SETD3: variants seen among roughly 807,000 people sequenced by gnomAD.
SETD3 encodes the protein SET domain containing 3, actin N3(tau)-histidine methyltransferase.
Under a neutral mutation model 63.0 loss-of-function variants are expected in SETD3, and 19 were observed. The observed-to-expected ratio is 0.30, with a 90% CI of 0.21 to 0.44. The LOEUF (loss-of-function observed/expected upper bound fraction) is 0.44. Among genes scored for constraint, SETD3 ranks in the 20% least tolerant of loss-of-function variants. The pLI, the probability that SETD3 is intolerant of heterozygous loss-of-function variation, is 1.00. For missense variants in SETD3, 587 were observed against 728.5 expected (o/e 0.81, Z 2.24); for synonymous variants, 286 against 264.1 (o/e 1.08, Z -0.80).
intron 11 of SETD3, among the ~76,000 whole-genome samples, chr14:99,401,116 G>A (rs1891365847): frequency 6.7e-6 from 1 of 149,622 alleles, no homozygotes; most frequent in South Asian, 2.1e-4. Flanking sequence ...TCCAGCCTGG[G>A]CAACCAAGTG....
In SETD3 at chr14:99,463,577, T is replaced by C. The variant is rs755290874; in HGVS notation, c.105A>G (p.Lys35=). ...ILNLTSELLQ[K]CSSPAPGPGK... ...CTGGGCCAGGCGCCGGACTGCTGCATTCTGTAACATAAGAGGCATGGTACT... is the reference window on the plus strand; with the variant it reads ...CTGGGCCAGGCGCCGGACTGCTGCACTCTGTAACATAAGAGGCATGGTACT... Residue 35 remains lysine, a splice_region_variant and synonymous_variant, in exon 3 of 13, where the codon AAA becomes AAG. Transcript: ENST00000331768. 19 of 1,612,778 alleles carry C rather than the reference T, an allele frequency of 1.2e-5. No homozygotes were observed. The highest frequency in any genetic ancestry group is 1.3e-5 in the African/African-American group (1 of 75,014).
intron 1 of SETD3, among the ~76,000 whole-genome samples, chr14:99,468,539 T>A (rs1895522681): frequency 6.6e-6 from 1 of 152,176 alleles, no homozygotes; most frequent in Non-Finnish European, 1.5e-5. Flanking sequence ...TCAGTCACCC[T>A]GGAATAAAAG....
chr14:99,403,466 C>CTCTCTG (rs1891505986), intron 11 of SETD3, among the ~76,000 whole-genome samples: 1 of 138,564 alleles, frequency 7.2e-6, no homozygotes, highest in Non-Finnish European at 1.5e-5. Context: ...CTCTCTCTCT[C>CTCTCTG]TCTCTCTCTC....
intron 12 of SETD3, 26 bp from the exon 13 acceptor site, chr14:99,399,151 A>C (rs780605376): frequency 1.2e-5 from 20 of 1,602,890 alleles, no homozygotes; most frequent in East Asian, 4.5e-5. Context: ...AAAATTAATT[A>C]CAAGAAGTCT....
At chr14:99,408,467 G>A (rs1891802259) in intron 8 of SETD3, among the ~76,000 whole-genome samples, 1 of 152,108 alleles carries the variant, frequency 6.6e-6, no homozygotes, top group Non-Finnish European at 1.5e-5. Context: ...ACTCCCAGGA[G>A]GGAGTCCAGG....
At chr14:99,474,990 T>A (rs1895898420) in intron 1 of SETD3, among the ~76,000 whole-genome samples, 1 of 152,176 alleles carries the variant, frequency 6.6e-6, no homozygotes, top group African/African-American at 2.4e-5. Flanking sequence ...TTGAATGAAG[T>A]TGCAAATAAA....
Position 99,400,142 on chromosome 14 carries a change from T to C in SETD3, c.1295A>G (p.Asp432Gly), listed in dbSNP as rs1239607385. 2.5e-6 allele frequency: 4 copies of C among 1,613,978 alleles called. No homozygotes were observed. Among genetic ancestry groups the C allele is most frequent in the Non-Finnish European group, 3.4e-6 (4 of 1,179,996 alleles). The change falls in exon 12 of 13, where the codon GAT becomes GGT. Residue 432 changes from aspartate to glycine, a missense_variant. Coordinates refer to ENST00000331768, the MANE Select transcript of SETD3 (RefSeq NM_032233.3). ...NEVKLWTFLE[D>G]RASLLLKTYK... ...TGTTTTTAAAAGAAGTGAGGCTCTA[T>C]CTTCAAGAAATGTCCAAAGTTTGAC...
chr14:99,436,886 G>A (rs1486926627), intron 6 of SETD3, among the ~76,000 whole-genome samples: 2 of 152,150 alleles, frequency 1.3e-5, no homozygotes, highest in African/African-American at 4.8e-5. Flanking sequence ...TCCCTCCACT[G>A]CTTAAAACAT....
intron 6 of SETD3, among the ~76,000 whole-genome samples, chr14:99,442,702 C>T (rs961909250): frequency 1.3e-5 from 2 of 152,216 alleles, no homozygotes; most frequent in Non-Finnish European, 2.9e-5. Context: ...ATACATTTAG[C>T]AGACAACATA....
chr14:99,405,975 T>C (rs1891658845), intron 9 of SETD3, among the ~76,000 whole-genome samples: 1 of 152,206 alleles, frequency 6.6e-6, no homozygotes, highest in Non-Finnish European at 1.5e-5. Flanking sequence ...CTGTACTGTC[T>C]GCTTGGGTGT....
At chr14:99,407,855 T>C (rs1486873529) in intron 8 of SETD3, among the ~76,000 whole-genome samples, 1 of 152,184 alleles carries the variant, frequency 6.6e-6, no homozygotes, top group East Asian at 1.9e-4. Flanking sequence ...GTGTCCCGAG[T>C]GCTCAGCACA....
At chr14:99,471,977 C>T (rs968404867) in intron 1 of SETD3, among the ~76,000 whole-genome samples, 3 of 152,154 alleles carry the variant, frequency 2.0e-5, no homozygotes, top group Admixed American at 6.5e-5. Context: ...GTGACTTGGC[C>T]AAGAGACCAC....
chr14:99,409,828 C>A (rs1891882038), intron 8 of SETD3: 2 of 164,650 alleles, frequency 1.2e-5, no homozygotes, highest in Admixed American at 6.4e-5. Flanking sequence ...TGGTTTATTT[C>A]TTTCTGATCT....
chr14:99,468,265 T>G (rs1330810966), intron 1 of SETD3, among the ~76,000 whole-genome samples: 1 of 151,186 alleles, frequency 6.6e-6, no homozygotes, highest in Non-Finnish European at 1.5e-5. Context: ...AGCCCACACC[T>G]AGGCAGCTCC....
At chr14:99,427,340 C>G (rs1487397500) in intron 6 of SETD3, among the ~76,000 whole-genome samples, 2 of 152,120 alleles carry the variant, frequency 1.3e-5, no homozygotes, top group Non-Finnish European at 2.9e-5. Context: ...TAGCCTTTAA[C>G]TGCTTAAAAT....
At chr14:99,409,778 T>C (rs1891879497) in intron 8 of SETD3, 1 of 153,162 alleles carries the variant, frequency 6.5e-6, no homozygotes, top group Admixed American at 6.5e-5. Context: ...AAATATTTTT[T>C]AAAAAACAAA....
At chr14:99,481,191 G>GC (rs111344992), upstream of SETD3, 138 of 386,312 alleles carry the variant, frequency 3.6e-4, no homozygotes, top group African/African-American at 2.5e-3. Flanking sequence ...ATGCCTTTTC[G>GC]CCCCGAGGGG....
At chr14:99,425,460 G>A (rs968373334) in intron 6 of SETD3, among the ~76,000 whole-genome samples, 1 of 152,280 alleles carries the variant, frequency 6.6e-6, no homozygotes, top group Non-Finnish European at 1.5e-5. Context: ...CCCAGCGCCA[G>A]CTCTGAACCT....
chr14:99,471,693 A>G (rs1266861733), intron 1 of SETD3, among the ~76,000 whole-genome samples: 1 of 152,238 alleles, frequency 6.6e-6, no homozygotes, highest in African/African-American at 2.4e-5. Context: ...CCAGTTTTAG[A>G]TAGAAAAGCT....
Sources: gnomAD v4.1 joint callset for allele counts (sites outside exome capture counted in the v4.1 genomes callset) on GRCh38, gnomAD v4.1.1 for gene constraint, MANE v1.5 for transcripts, NCBI Gene and HGNC (gene_info 2026-07-23, HGNC 2026-07-21) for gene names.